RASA3: variants seen among roughly 807,000 people sequenced by gnomAD.
RASA3 encodes the protein ras GTPase-activating protein 3.
Under a neutral mutation model 110.0 loss-of-function variants are expected in RASA3, and 73 were observed. The observed-to-expected ratio is 0.66, with a 90% confidence interval of 0.55 to 0.81. The LOEUF (loss-of-function observed/expected upper bound fraction) is 0.81. RASA3 is among the 30% of genes least tolerant of loss of function. The probability of loss-of-function intolerance (pLI) is 0.00; values close to 1 mark genes in which losing one functional copy is unlikely to be tolerated. For synonymous variants in RASA3, 500 were observed against 451.4 expected, an observed-to-expected ratio of 1.11 and a Z score of -1.37; for missense variants, 976 against 1,113.2, an observed-to-expected ratio of 0.88 and a Z score of 1.75.
At chr13:114,064,097 A>T (rs2079406355) in intron 2 of RASA3, among the ~76,000 whole-genome samples, 1 of 152,138 alleles carries the variant, frequency 6.6e-6, no homozygotes, top group Admixed American at 6.5e-5. Context: ...TTTTTGAACT[A>T]AAAAAACCCC....
At chr13:114,060,818 C>G (rs1441479391) in intron 2 of RASA3, among the ~76,000 whole-genome samples, 3 of 152,230 alleles carry the variant, frequency 2.0e-5, no homozygotes, top group Non-Finnish European at 4.4e-5. Flanking sequence ...GCCTCACCTT[C>G]CCTGAGGCTC....
At position 114,021,622 on chromosome 13, in the gene RASA3, A is replaced by C. The variant is rs575795146; in HGVS notation, c.681-114T>G. Reference sequence around the variant, plus strand: ...CAGAATGGAGCCTGCAGCGCCTCCCAGAGTCTCCATCAAGGCTCAGCCCAC... The same window carrying C: ...CAGAATGGAGCCTGCAGCGCCTCCCCGAGTCTCCATCAAGGCTCAGCCCAC... On this transcript the variant is annotated intron_variant, in intron 8 of 23. Transcript: ENST00000334062. The C allele has an allele frequency of 5.6e-4, 432 of 776,300 alleles. 9 individuals are homozygous for C. In the South Asian group the frequency reaches 6.9e-3, roughly 12 times the overall value. The allele number at this position is 776,300 out of a possible 1,614,324, so 48.1% of individuals were successfully genotyped here.
intron 5 of RASA3, 33 bp downstream of exon 5, chr13:114,029,778 G>C: frequency 1.9e-6 from 3 of 1,564,072 alleles, no homozygotes; most frequent in Non-Finnish European, 2.6e-6. Context: ...GCCACTCGCT[G>C]TGCGCTCGGT....
rs1371935780 is a variant in RASA3 at position 114,096,081 on chromosome 13, C to T, written c.56-22244G>A. Among the ~76,000 whole-genome samples, 1 of 152,124 alleles carries T rather than the reference C, an allele frequency of 6.6e-6. No individual in the cohort carries two copies. On this transcript the variant is annotated intron_variant, in intron 1 of 23. Coordinates refer to ENST00000334062, the MANE Select transcript of RASA3 (RefSeq NM_007368.4). This position sits in a 1 kb window ranked among gnomAD's most constrained non-coding sequence, Gnocchi z 5.1. ...CACTGGTGTGCCGGGAGGGGGTGCT[C>T]TCCAGGTGGCCCTGGCGGCATCGGT...
intron 2 of RASA3, among the ~76,000 whole-genome samples, chr13:114,063,725 G>A (rs1003899500): frequency 1.9e-4 from 29 of 152,334 alleles, no homozygotes; most frequent in African/African-American, 7.0e-4. Flanking sequence ...GATTGTCCCC[G>A]TGGGATAAAT....
rs192000933 is a variant in RASA3, at chr13:114,055,878, C to T, written c.174-3723G>A. 1.2e-4 allele frequency among the ~76,000 whole-genome samples: 19 copies of T among 152,322 alleles called. No individual in the cohort carries two copies. In the East Asian group the frequency reaches 2.9e-3, roughly 23 times the overall value. On this transcript the variant is annotated intron_variant, in intron 2 of 23. Coordinates refer to ENST00000334062, the MANE Select transcript of RASA3 (RefSeq NM_007368.4). ...GGAGCACGCACAGCTCTGGGCCTTG[C>T]GGCAAATGCGTAACCAAAAGGCGTA...
intron 1 of RASA3, among the ~76,000 whole-genome samples, chr13:114,105,647 G>A (rs2080123212): frequency 6.6e-6 from 1 of 152,228 alleles, no homozygotes; most frequent in African/African-American, 2.4e-5. Context: ...CACCCAGCCT[G>A]AGGCTGGACG....
At chr13:114,031,447 A>G (rs1594354717) in intron 4 of RASA3, among the ~76,000 whole-genome samples, 1 of 138,362 alleles carries the variant, frequency 7.2e-6, no homozygotes, top group Admixed American at 7.3e-5. Context: ...GTGTGTGTCT[A>G]CCTGTCTGTA....
intron 3 of RASA3, 79 bp downstream of exon 3, chr13:114,051,973 G>T: frequency 8.5e-7 from 1 of 1,174,230 alleles, no homozygotes; most frequent in Non-Finnish European, 1.3e-6. Context: ...CATCCAGCCA[G>T]GCTCTGGACT....
intron 21 of RASA3, among the ~76,000 whole-genome samples, chr13:113,994,608 C>G (rs1251171881): frequency 6.6e-6 from 1 of 152,080 alleles, no homozygotes; most frequent in African/African-American, 2.4e-5. Context: ...GCAACACCAC[C>G]CTGGGCAACA....
intron 1 of RASA3, among the ~76,000 whole-genome samples, chr13:114,110,424 G>A (rs1325367965): frequency 1.3e-5 from 2 of 152,234 alleles, no homozygotes; most frequent in East Asian, 3.8e-4. Context: ...TCTGAAATAA[G>A]GTGAAATGGA....
chr13:114,021,530 G>C (rs776918703), intron 8 of RASA3, 22 bp from the exon 9 acceptor site: 23 of 1,604,842 alleles, frequency 1.4e-5, no homozygotes, highest in Admixed American at 1.7e-5. Flanking sequence ...CATCAGGACA[G>C]CTCTAGCTGA....
chr13:113,989,935 G>A (rs1049809500), intron 22 of RASA3, among the ~76,000 whole-genome samples: 1 of 152,212 alleles, frequency 6.6e-6, no homozygotes, highest in South Asian at 2.1e-4. Context: ...CCAAATCTCA[G>A]GTCAGACTGT....
chr13:113,984,258 T>C (rs1594274464), intron 22 of RASA3, among the ~76,000 whole-genome samples: 1 of 105,426 alleles, frequency 9.5e-6, no homozygotes, highest in Non-Finnish European at 2.1e-5. Flanking sequence ...CTCACCCATC[T>C]GTCCATCCAC....
At chr13:114,081,372 A>G (rs1490741367) in intron 1 of RASA3, among the ~76,000 whole-genome samples, 1 of 152,148 alleles carries the variant, frequency 6.6e-6, no homozygotes, top group African/African-American at 2.4e-5. Context: ...ATGCAGTATA[A>G]CTCTCAAGGC....
intron 20 of RASA3, among the ~76,000 whole-genome samples, chr13:113,997,921 G>A (rs1020117357): frequency 5.3e-5 from 8 of 151,496 alleles, no homozygotes; most frequent in African/African-American, 1.2e-4. Flanking sequence ...CGGACTGGAC[G>A]CCCCCGTGCA....
At chr13:114,116,077 G>A (rs2080271377) in intron 1 of RASA3, among the ~76,000 whole-genome samples, 1 of 152,230 alleles carries the variant, frequency 6.6e-6, no homozygotes, top group South Asian at 2.1e-4. Flanking sequence ...CAGCAGCGCA[G>A]GGGCGGAACC....
chr13:114,019,540 A>G (rs1010085442), intron 9 of RASA3, among the ~76,000 whole-genome samples: 1 of 150,058 alleles, frequency 6.7e-6, no homozygotes, highest in East Asian at 2.0e-4. Flanking sequence ...TATCCAAGGC[A>G]TTAGCCCCCG....
At chr13:114,042,812 G>C (rs933891029) in intron 3 of RASA3, among the ~76,000 whole-genome samples, 1 of 152,210 alleles carries the variant, frequency 6.6e-6, no homozygotes, top group African/African-American at 2.4e-5. Context: ...GTAAATTCGG[G>C]AACACTCCAC....
Sources: allele counts gnomAD v4.1 joint callset (sites outside exome capture counted in the v4.1 genomes callset), GRCh38; gene constraint gnomAD v4.1.1; non-coding constraint Gnocchi (gnomAD v3.1); transcripts MANE v1.5; gene names NCBI Gene and HGNC (gene_info 2026-07-23, HGNC 2026-07-21).